The following STRADB variants were observed in gnomAD, a reference collection of about 807,000 sequenced individuals.
The protein encoded by STRADB is STE20-related kinase adapter protein beta.
Under a neutral mutation model 52.1 loss-of-function variants are expected in STRADB, and 34 were observed. That is an observed-to-expected ratio of 0.65 (90% confidence interval 0.50 to 0.87). The LOEUF is 0.87. STRADB is among the 40% of genes least tolerant of loss of function. STRADB has a pLI of 0.00. For missense variants in STRADB, 340 were observed against 483.9 expected, an observed-to-expected ratio of 0.70 and a Z score of 2.79; for synonymous variants, 133 against 174.5, an observed-to-expected ratio of 0.76 and a Z score of 1.87.
At chr2:201,465,142 C>T (rs1311721994) in intron 3 of STRADB, among the ~76,000 whole-genome samples, 2 of 152,108 alleles carry the variant, frequency 1.3e-5, no homozygotes, top group Admixed American at 6.5e-5. Flanking sequence ...TTACTGTCCC[C>T]TCTCCTCTAC....
Sources: allele counts gnomAD v4.1 joint callset (sites outside exome capture counted in the v4.1 genomes callset), GRCh38; gene constraint gnomAD v4.1.1; transcripts MANE v1.5; gene names NCBI Gene and HGNC (gene_info 2026-07-23, HGNC 2026-07-21).